DENND1A: variants seen among roughly 807,000 people sequenced by gnomAD.
The protein encoded by DENND1A is DENN domain-containing protein 1A.
In DENND1A, 51 loss-of-function variants were observed where a neutral mutation model predicts 113.7. The ratio of observed to expected loss-of-function variants is 0.45; its 90% CI spans 0.36 to 0.57. The LOEUF (loss-of-function observed/expected upper bound fraction) is 0.57. DENND1A is among the 20% of genes least tolerant of loss of function. DENND1A has a pLI of 0.00. For missense variants in DENND1A, 1,258 were observed against 1,395.9 expected (o/e 0.90, Z 1.57); for synonymous variants, 565 against 570.8 (o/e 0.99, Z 0.14).
At chr9:123,576,678 C>CG in intron 12 of DENND1A, among the ~76,000 whole-genome samples, 1 of 152,032 alleles carries the variant, frequency 6.6e-6, no homozygotes, top group East Asian at 1.9e-4. Flanking sequence ...TTTGTAGAGA[C>CG]GGGGTTTCAC....
intron 10 of DENND1A, among the ~76,000 whole-genome samples, chr9:123,628,989 T>G (rs7862469): frequency 0.49 from 75,196 of 152,056 alleles, 21,036 homozygotes; most frequent in African/African-American, 0.77. Context: ...TCACATGATG[T>G]CCCTGAGTTA....
intron 13 of DENND1A, among the ~76,000 whole-genome samples, chr9:123,501,669 T>C (rs1588873380): frequency 6.6e-6 from 1 of 152,308 alleles, no homozygotes; most frequent in African/African-American, 2.4e-5. Context: ...GGTGTGTCTG[T>C]GAGGGTGTTG....
At chr9:123,904,725 A>C (rs1852424889) in intron 1 of DENND1A, among the ~76,000 whole-genome samples, 1 of 151,044 alleles carries the variant, frequency 6.6e-6, no homozygotes, top group Non-Finnish European at 1.5e-5. Flanking sequence ...GACCAAATCT[A>C]CGCCTGATTG....
chr9:123,886,815 CT>C (rs1849169955), intron 1 of DENND1A, among the ~76,000 whole-genome samples: 1 of 152,154 alleles, frequency 6.6e-6, no homozygotes, highest in Admixed American at 6.5e-5. Flanking sequence ...AGAAAATTAA[CT>C]TAGTTGTGTA....
chr9:123,470,778 G>T (rs1442087424), intron 13 of DENND1A, among the ~76,000 whole-genome samples: 1 of 152,182 alleles, frequency 6.6e-6, no homozygotes, highest in Non-Finnish European at 1.5e-5. Context: ...CCTCTGGGGG[G>T]TGCTCTGTGG....
At chr9:123,928,945 A>C (rs1857556429) in intron 1 of DENND1A, 1 of 962,546 alleles carries the variant, frequency 1.0e-6, no homozygotes, top group Non-Finnish European at 1.2e-6. Context: ...CAATTCTATT[A>C]GTCACAGAGG....
intron 5 of DENND1A, among the ~76,000 whole-genome samples, chr9:123,700,506 C>G (rs760315362): frequency 6.6e-6 from 1 of 152,150 alleles, no homozygotes; most frequent in Non-Finnish European, 1.5e-5. Context: ...TGTTGCAGTC[C>G]TGAGTCCAAA....
intron 19 of DENND1A, chr9:123,413,690 G>C: frequency 6.1e-6 from 6 of 985,536 alleles, no homozygotes; most frequent in Non-Finnish European, 7.2e-6. Context: ...TTAGCTGGGC[G>C]TGAGGGCTGA....
At chr9:123,715,602 TCA>T (rs2066919937) in intron 5 of DENND1A, among the ~76,000 whole-genome samples, 1 of 152,210 alleles carries the variant, frequency 6.6e-6, no homozygotes, top group African/African-American at 2.4e-5. Context: ...CCTAAAGTAC[TCA>T]GACTCCAGGA....
At position 123,607,512 on chromosome 9, in the gene DENND1A, CACACACACAG is replaced by C. The variant is rs776864994; in HGVS notation, c.765+1914_765+1923del. ...AGACACACACACACACACACACACA[CACACACACAG>C]AGAGAGAGAGAGAGAGAGAGAGAGA... On this transcript the variant is annotated intron_variant, in intron 11 of 23. Transcript: ENST00000394215. Among the ~76,000 whole-genome samples, 402 of 92,838 alleles carry C rather than the reference CACACACACAG, an allele frequency of 4.3e-3. 2 individuals are homozygous for C. The highest frequency in any genetic ancestry group is 0.017 in the African/African-American group (374 of 22,136). The allele number at this position is 92,838 out of a possible 152,430, so 60.9% of individuals were successfully genotyped here.
intron 13 of DENND1A, among the ~76,000 whole-genome samples, chr9:123,535,441 T>C (rs543430430): frequency 1.6e-4 from 24 of 151,896 alleles, no homozygotes; most frequent in African/African-American, 5.1e-4. Context: ...AGAAACCCTG[T>C]CTCTAAAAAA....
intron 1 of DENND1A, among the ~76,000 whole-genome samples, chr9:123,909,735 A>T (rs1250069860): frequency 6.6e-6 from 1 of 152,176 alleles, no homozygotes; most frequent in Admixed American, 6.5e-5. Context: ...AAGATCAAAA[A>T]CTAGGAAGTA....
chr9:123,671,238 C>T, intron 7 of DENND1A, 53 bp downstream of exon 7: 1 of 1,601,266 alleles, frequency 6.2e-7, no homozygotes, highest in East Asian at 2.2e-5. Context: ...CTCCCTCTTA[C>T]TGTCAATAAT....
chr9:123,792,009 C>A (rs1045797867), intron 3 of DENND1A, among the ~76,000 whole-genome samples: 1 of 152,100 alleles, frequency 6.6e-6, no homozygotes, highest in Non-Finnish European at 1.5e-5. Flanking sequence ...TGAGTAAAAT[C>A]GTTCCTTCTA....
At chr9:123,870,914 A>G (rs1846497573) in intron 2 of DENND1A, among the ~76,000 whole-genome samples, 1 of 152,090 alleles carries the variant, frequency 6.6e-6, no homozygotes, top group Non-Finnish European at 1.5e-5. Flanking sequence ...AAAGTTAGCT[A>G]TTCTATTGCC....
At chr9:123,734,040 T>C (rs2068380307) in intron 5 of DENND1A, among the ~76,000 whole-genome samples, 1 of 151,862 alleles carries the variant, frequency 6.6e-6, no homozygotes, top group Non-Finnish European at 1.5e-5. Flanking sequence ...TAGTTCATAG[T>C]TCACTGTAGC....
chr9:123,529,318 C>T (rs980283696), intron 13 of DENND1A, among the ~76,000 whole-genome samples: 1 of 152,084 alleles, frequency 6.6e-6, no homozygotes, highest in Non-Finnish European at 1.5e-5. Flanking sequence ...TGAGCTTAGA[C>T]CCCTTCTCCC....
intron 12 of DENND1A, among the ~76,000 whole-genome samples, chr9:123,581,253 C>T (rs1255212688): frequency 1.3e-5 from 2 of 152,138 alleles, no homozygotes; most frequent in African/African-American, 4.8e-5. Flanking sequence ...TGAATGGCAG[C>T]CATTGTTGAA....
intron 1 of DENND1A, among the ~76,000 whole-genome samples, chr9:123,906,180 C>T (rs1370111832): frequency 6.7e-6 from 1 of 148,726 alleles, no homozygotes; most frequent in Non-Finnish European, 1.5e-5. Flanking sequence ...ACACAACATA[C>T]CAGAATCTCT....
Sources: gnomAD v4.1 joint callset for allele counts (sites outside exome capture counted in the v4.1 genomes callset) on GRCh38, gnomAD v4.1.1 for gene constraint, MANE v1.5 for transcripts, NCBI Gene and HGNC (gene_info 2026-07-23, HGNC 2026-07-21) for gene names.